ZDHHC21: variants seen among roughly 807,000 people sequenced by gnomAD.
The protein encoded by ZDHHC21 is zDHHC palmitoyltransferase 21, also known as palmitoyltransferase ZDHHC21.
ZDHHC21 carries 15 observed loss-of-function variants against 34.6 expected under a neutral mutation model. That is an observed-to-expected ratio of 0.43 (90% CI 0.29 to 0.67). ZDHHC21 has a LOEUF of 0.67. Ranked by LOEUF, ZDHHC21 falls within the 30% of genes least tolerant of loss-of-function variation. ZDHHC21 has a pLI of 0.14. For synonymous variants in ZDHHC21, 142 were observed against 101.8 expected (o/e 1.40, Z -2.38); for missense variants, 344 against 327.7 (o/e 1.05, Z -0.38).
intron 2 of ZDHHC21, among the ~76,000 whole-genome samples, chr9:14,686,978 A>C (rs915766258): frequency 2.4e-5 from 2 of 83,514 alleles, no homozygotes; most frequent in Admixed American, 1.1e-4. Context: ...ATCTCAAAAA[A>C]ACAAAAAAAA....
intron 3 of ZDHHC21, among the ~76,000 whole-genome samples, chr9:14,675,294 G>A (rs945051582): frequency 2.0e-5 from 3 of 151,848 alleles, no homozygotes; most frequent in Admixed American, 1.3e-4. Flanking sequence ...ATAAATTGCT[G>A]TATAAAGTCT....
rs765362122 is a variant in ZDHHC21, at chr9:14,672,971, A to G, written c.155-43T>C. ...TAAATAAATTAGTCACTTACCCTTC[A>G]AAACATTTTATCAACAATCATATTT... On this transcript the variant is annotated intron_variant, in intron 4 of 9. Coordinates refer to ENST00000380916, the MANE Select transcript of ZDHHC21 (RefSeq NM_178566.6). The G allele has an allele frequency of 5.7e-6, 7 of 1,225,846 alleles. No homozygotes were observed. The South Asian group carries it at 8.1e-5, about 14-fold the overall frequency. The allele number at this position is 1,225,846 out of a possible 1,614,324, so 75.9% of individuals were successfully genotyped here.
At chr9:14,666,834 G>A (rs1834529961) in intron 5 of ZDHHC21, among the ~76,000 whole-genome samples, 1 of 23,988 alleles carries the variant, frequency 4.2e-5, no homozygotes, top group Non-Finnish European at 9.5e-5. Flanking sequence ...AGAATCTCTG[G>A]GACGCATTCA....
intron 8 of ZDHHC21, among the ~76,000 whole-genome samples, chr9:14,638,926 C>A (rs1161504126): frequency 6.6e-6 from 1 of 151,876 alleles, no homozygotes; most frequent in African/African-American, 2.4e-5. Context: ...TTAGCCTAAT[C>A]ACTAAGGAAA....
chr9:14,620,636 A>G (rs1452624133), intron 8 of ZDHHC21, among the ~76,000 whole-genome samples: 2 of 152,018 alleles, frequency 1.3e-5, no homozygotes, highest in Admixed American at 6.6e-5. Flanking sequence ...TTTGGCTGCA[A>G]AACTTTTCCA....
chr9:14,628,702 G>A (rs529804817), intron 8 of ZDHHC21, among the ~76,000 whole-genome samples: 19 of 152,104 alleles, frequency 1.2e-4, no homozygotes, highest in Non-Finnish European at 1.8e-4. Context: ...CCATGGATTC[G>A]AATTATGACA....
intron 8 of ZDHHC21, among the ~76,000 whole-genome samples, chr9:14,621,924 A>C (rs1214526315): frequency 6.6e-6 from 1 of 152,152 alleles, no homozygotes; most frequent in Non-Finnish European, 1.5e-5. Context: ...ACTTCATTCA[A>C]TACTAAAGAC....
chr9:14,659,046 A>G lies in ZDHHC21; in HGVS notation c.366-159T>C, dbSNP rs567009882. 4.3e-4 allele frequency among the ~76,000 whole-genome samples: 65 copies of G among 152,204 alleles called. 1 individual carries two copies. The highest frequency in any genetic ancestry group is 5.1e-4 in the Non-Finnish European group (35 of 68,034). ...GGTAAAAACAAACTATACAGAGAAA[A>G]CTATAAATATACCATCTTATATTTG... On this transcript the variant is annotated intron_variant, in intron 6 of 9. Transcript: ENST00000380916.
intron 2 of ZDHHC21, among the ~76,000 whole-genome samples, 168 bp from the exon 3 acceptor site, chr9:14,680,330 G>T (rs1837150134): frequency 6.6e-6 from 1 of 152,044 alleles, no homozygotes; most frequent in South Asian, 2.1e-4. Flanking sequence ...CATCCCCTCA[G>T]AATTTGCATT....
intron 7 of ZDHHC21, among the ~76,000 whole-genome samples, chr9:14,641,113 A>C (rs1021498017): frequency 1.3e-5 from 2 of 152,154 alleles, no homozygotes; most frequent in African/African-American, 4.8e-5. Flanking sequence ...GCAACTTCAA[A>C]AATAGGAAGG....
Position 14,662,377 on chromosome 9 carries a change from G to A in ZDHHC21, c.254-51C>T, listed in dbSNP as rs748427119. ...TTAATGAAGGCAAGTGGGTAATGCT[G>A]AAATTTACCAACAGTTGTTTAGAAG... On this transcript the variant is annotated intron_variant, in intron 5 of 9. Transcript: ENST00000380916. 40 of 1,347,162 alleles carry A rather than the reference G, an allele frequency of 3.0e-5. No individual in the cohort carries two copies. The South Asian group carries it at 3.7e-4, about 12-fold the overall frequency. The allele number at this position is 1,347,162 out of a possible 1,614,324, so 83.5% of individuals were successfully genotyped here.
intron 7 of ZDHHC21, 28 bp from the exon 8 acceptor site, chr9:14,640,040 C>A (rs762449651): frequency 7.0e-7 from 1 of 1,422,206 alleles, no homozygotes; most frequent in Admixed American, 1.8e-5. Context: ...GTCTTAAAAA[C>A]CATTCAGAGT....
chr9:14,659,010 G>T, intron 6 of ZDHHC21, 123 bp from the exon 7 acceptor site: 1 of 952,848 alleles, frequency 1.0e-6, no homozygotes, highest in Non-Finnish European at 1.5e-6. Context: ...GATATGCTAT[G>T]GCCACTTGAA....
At chr9:14,637,815 T>C (rs1828575783) in intron 8 of ZDHHC21, among the ~76,000 whole-genome samples, 1 of 151,878 alleles carries the variant, frequency 6.6e-6, no homozygotes, top group Non-Finnish European at 1.5e-5. Flanking sequence ...TAAGAATAAA[T>C]TTAACCAAGG....
At chr9:14,596,338 G>A in the ZDHHC21 span, among the ~76,000 whole-genome samples, 9 of 152,192 alleles carry the variant, frequency 5.9e-5, no homozygotes, top group East Asian at 1.9e-4. Context: ...ATGAGGCTGC[G>A]CCCCAAGCAA....
At chr9:14,645,103 T>C (rs1179316161) in intron 7 of ZDHHC21, among the ~76,000 whole-genome samples, 1 of 152,116 alleles carries the variant, frequency 6.6e-6, no homozygotes, top group African/African-American at 2.4e-5. Flanking sequence ...TCTTTTTTCT[T>C]AGTATTTAAC....
At chr9:14,680,951 GAGGTAGCTAGATGAAGA>G (rs1460491314) in intron 2 of ZDHHC21, among the ~76,000 whole-genome samples, 1 of 152,150 alleles carries the variant, frequency 6.6e-6, no homozygotes, top group Non-Finnish European at 1.5e-5. Context: ...CAAACCCTGT[GAGGTAGCTAGATGAAGA>G]AGGCAGACTC....
intron 8 of ZDHHC21, among the ~76,000 whole-genome samples, chr9:14,632,892 G>GT (rs1564233729): frequency 3.3e-5 from 5 of 152,078 alleles, no homozygotes; most frequent in Middle Eastern, 3.2e-3. Flanking sequence ...AGGTATTACC[G>GT]TTTTTTAAAA....
At chr9:14,664,032 C>T (rs956380942) in intron 5 of ZDHHC21, among the ~76,000 whole-genome samples, 16 of 152,128 alleles carry the variant, frequency 1.1e-4, no homozygotes, top group Non-Finnish European at 8.8e-5. Flanking sequence ...GGAACAGCTC[C>T]GGTCTACAGC....
Sources: gnomAD v4.1 joint callset for allele counts (sites outside exome capture counted in the v4.1 genomes callset) on GRCh38, gnomAD v4.1.1 for gene constraint, MANE v1.5 for transcripts, NCBI Gene and HGNC (gene_info 2026-07-23, HGNC 2026-07-21) for gene names.